The following KCNAB2 variants were observed in gnomAD, a reference collection of about 807,000 sequenced individuals.
The protein encoded by KCNAB2 is potassium voltage-gated channel subfamily A regulatory beta subunit 2, also known as voltage-gated potassium channel subunit beta-2.
In KCNAB2, 29 loss-of-function variants were observed where a neutral mutation model predicts 63.6. The observed-to-expected ratio is 0.46, with a 90% CI of 0.34 to 0.62. The LOEUF is 0.62. KCNAB2 is among the 20% of genes least tolerant of loss of function. The pLI is 0.01. For synonymous variants in KCNAB2, 222 were observed against 224.2 expected, an observed-to-expected ratio of 0.99 and a Z score of 0.09; for missense variants, 359 against 563.9, an observed-to-expected ratio of 0.64 and a Z score of 3.68.
chr1:6,075,272 ACAAG>A lies in KCNAB2; in HGVS notation c.300+1505_300+1508del, dbSNP rs1557486383. 2.6e-5 allele frequency among the ~76,000 whole-genome samples: 4 copies of A among 152,346 alleles called. No homozygotes were observed. In the South Asian group the frequency reaches 6.2e-4, roughly 24 times the overall value. On this transcript the variant is annotated intron_variant, in intron 4 of 15. Coordinates refer to ENST00000378083, the MANE Select transcript of KCNAB2 (RefSeq NM_001199862.2). ...GTATGTCCTTGTGGGAAAGATAAAA[ACAAG>A]CAGACAGACTAGACCCATCCAATGA...
At chr1:6,011,223 G>A (rs1222054619) in intron 1 of KCNAB2, among the ~76,000 whole-genome samples, 1 of 152,250 alleles carries the variant, frequency 6.6e-6, no homozygotes, top group Non-Finnish European at 1.5e-5. Context: ...GAAACAGGCA[G>A]GCAGCTGTGC....
At position 6,078,720 on chromosome 1, in the gene KCNAB2, C is replaced by T. The variant is rs1260224470; in HGVS notation, c.301-3475C>T. ...GATTTAAAAGGTCTGCCAAGGCTCG[C>T]CCTGGCTGCTGCACTGGGAATGGCG... is the stretch of plus-strand genomic sequence containing the variant. On this transcript the variant is annotated intron_variant, in intron 4 of 15. Coordinates refer to ENST00000378083, the MANE Select transcript of KCNAB2 (RefSeq NM_001199862.2). This position sits in a 1 kb window ranked among gnomAD's most constrained non-coding sequence, Gnocchi z 4.2. Among the ~76,000 whole-genome samples the T allele has an allele frequency of 2.6e-5, 4 of 152,170 alleles. No individual in the cohort carries two copies. The highest frequency in any genetic ancestry group is 6.5e-5 in the Admixed American group (1 of 15,282).
intron 1 of KCNAB2, among the ~76,000 whole-genome samples, chr1:6,015,004 G>A (rs1239577799): frequency 1.1e-4 from 16 of 150,328 alleles, no homozygotes; most frequent in Non-Finnish European, 2.1e-4. Context: ...TATTACAGAC[G>A]GGGTCACCTT....
At chr1:6,009,585 C>T (rs1405507626) in intron 1 of KCNAB2, among the ~76,000 whole-genome samples, 1 of 152,242 alleles carries the variant, frequency 6.6e-6, no homozygotes, top group African/African-American at 2.4e-5. Context: ...AACTCTGACA[C>T]ACTTCACAAA....
intron 2 of KCNAB2, among the ~76,000 whole-genome samples, chr1:6,056,236 G>A (rs1398667725): frequency 6.6e-6 from 1 of 152,044 alleles, no homozygotes; most frequent in East Asian, 1.9e-4. Flanking sequence ...GTAGAAACGG[G>A]GTTTCACCAC....
rs900807078 is a variant in KCNAB2 at position 6,051,657 on chromosome 1, C to T, written c.121C>T (p.Arg41Trp). 8.1e-5 allele frequency: 125 copies of T among 1,534,080 alleles called. No homozygotes were observed. The highest frequency in any genetic ancestry group is 4.2e-4 in the Middle Eastern group (2 of 4,740). The change falls in exon 2 of 16, where the codon CGG becomes TGG. Residue 41 changes from arginine (R) to tryptophan (W), a missense_variant. Coordinates refer to ENST00000378083, the MANE Select transcript of KCNAB2 (RefSeq NM_001199862.2). Reference sequence around the variant, plus strand: ...GGAACTGCAGCGGCTGCGGGAGGTGCGGGCGGCTGCCCAGGCCAGGAACAT... The same window carrying T: ...GGAACTGCAGCGGCTGCGGGAGGTGTGGGCGGCTGCCCAGGCCAGGAACAT... ...TLELQRLREV[R>W]AAAQARNMES...
upstream of KCNAB2, among the ~76,000 whole-genome samples, chr1:6,030,740 G>A (rs185046886): frequency 1.7e-4 from 26 of 151,610 alleles, no homozygotes; most frequent in African/African-American, 6.1e-4. Flanking sequence ...GTGTGTTTAT[G>A]TGTGTATATG....
rs916291321 is a variant in KCNAB2 at position 6,085,748 on chromosome 1, C to A, written c.425+500C>A. ...CTGCACCTTGTCCACAGGATCTTCG[C>A]GGCGTCTCAGCCTCTCCGGAGCTCA... On this transcript the variant is annotated intron_variant, in intron 6 of 15. Transcript: ENST00000378083. 11 of 786,530 alleles carry A rather than the reference C, an allele frequency of 1.4e-5. No individual in the cohort carries two copies. In the African/African-American group the frequency reaches 1.5e-4, roughly 11 times the overall value. 48.7% of individuals were successfully genotyped at this position (786,530 alleles called of 1,614,324 possible). A position where few individuals can be genotyped will look rare whatever the true frequency, so the allele number is the denominator to read the frequency against.
In KCNAB2 at chr1:6,035,039, G is replaced by A. The variant is rs75367786; in HGVS notation, c.-53+245G>A. Among the ~76,000 whole-genome samples the A allele has an allele frequency of 3.9e-3, 599 of 152,298 alleles. 2 individuals carry two copies. Among genetic ancestry groups the A allele is most frequent in the African/African-American group, 0.014 (574 of 41,548 alleles). On this transcript the variant is annotated intron_variant, in intron 1 of 15. Transcript: ENST00000164247. The surrounding 1 kb of genome is among the most constrained non-coding windows in gnomAD (Gnocchi z 5.0). ...GGGAGACGGGGACTGCGATGAAAGG[G>A]AGGCGTCCAGGGAAGACCTCCATGA...
chr1:6,018,268 C>T (rs7544730), intron 1 of KCNAB2, among the ~76,000 whole-genome samples: 73 of 152,230 alleles, frequency 4.8e-4, no homozygotes, highest in African/African-American at 1.7e-3. Context: ...ACCAGATAGT[C>T]GATGTTTTCA....
In KCNAB2 at chr1:6,024,702, C is replaced by G. The variant is rs1447461899; in HGVS notation, c.-52-15815C>G. On this transcript the variant is annotated intron_variant, in intron 1 of 16. Coordinates refer to the KCNAB2 transcript ENST00000341524. The surrounding 1 kb of genome is among the most constrained non-coding windows in gnomAD (Gnocchi z 5.4). ...ACCCACAGAGTCAGGGCAACATCTCCGTGCTGGGGGCCAAGAGGATAACGG... is the reference window on the plus strand; with the variant it reads ...ACCCACAGAGTCAGGGCAACATCTCGGTGCTGGGGGCCAAGAGGATAACGG... Among the ~76,000 whole-genome samples the G allele has an allele frequency of 6.6e-6, 1 of 152,158 alleles. No individual in the cohort carries two copies. Among genetic ancestry groups the G allele is most frequent in the Non-Finnish European group, 1.5e-5 (1 of 68,032 alleles).
At chr1:6,027,836 T>C (rs2100366693) in intron 1 of KCNAB2, among the ~76,000 whole-genome samples, 1 of 152,348 alleles carries the variant, frequency 6.6e-6, no homozygotes, top group African/African-American at 2.4e-5. Flanking sequence ...ACTGGTCCCC[T>C]CGGCTCAGGC....
intron 1 of KCNAB2, among the ~76,000 whole-genome samples, chr1:6,005,061 A>G (rs535631075): frequency 0.13 from 242 of 1,836 alleles, 27 homozygotes; most frequent in East Asian, 0.4. Flanking sequence ...GGGTGAGGGT[A>G]GAGTGGGGGA....
intron 15 of KCNAB2, chr1:6,097,710 A>T (rs1665766796): frequency 5.8e-6 from 3 of 516,000 alleles, no homozygotes; most frequent in Non-Finnish European, 1.0e-5. Flanking sequence ...CAGTCTTGAG[A>T]GATGCGGAGT....
chr1:6,052,286 A>G (rs904495089), intron 2 of KCNAB2, among the ~76,000 whole-genome samples: 2 of 152,144 alleles, frequency 1.3e-5, no homozygotes, highest in Non-Finnish European at 1.5e-5. Context: ...TTAGGTAGGC[A>G]TGGTGCCATG....
intron 2 of KCNAB2, among the ~76,000 whole-genome samples, chr1:6,063,764 C>T (rs1047292770): frequency 3.9e-5 from 6 of 152,172 alleles, no homozygotes; most frequent in Admixed American, 2.6e-4. Flanking sequence ...GGGCTACATC[C>T]TGTTTCTCCA....
intron 4 of KCNAB2, among the ~76,000 whole-genome samples, chr1:6,075,214 C>T (rs1248911338): frequency 1.3e-5 from 2 of 152,222 alleles, no homozygotes; most frequent in Admixed American, 1.3e-4. Flanking sequence ...AACGGCATAA[C>T]TTCATTTCCA....
chr1:6,095,186 G>A (rs1665512573), intron 11 of KCNAB2, 137 bp from the exon 12 acceptor site: 6 of 879,204 alleles, frequency 6.8e-6, no homozygotes, highest in Non-Finnish European at 1.1e-5. Flanking sequence ...CTATGAGTGT[G>A]AGCAGTGGGG....
At chr1:6,046,520 A>G (rs961131030) in intron 1 of KCNAB2, among the ~76,000 whole-genome samples, 1 of 152,160 alleles carries the variant, frequency 6.6e-6, no homozygotes, top group Non-Finnish European at 1.5e-5. Context: ...TGTGTTCACC[A>G]TTGATTAAGA....
Sources: gnomAD v4.1 joint callset for allele counts (sites outside exome capture counted in the v4.1 genomes callset) on GRCh38, gnomAD v4.1.1 for gene constraint, Gnocchi (gnomAD v3.1) non-coding constraint, MANE v1.5 for transcripts, NCBI Gene and HGNC (gene_info 2026-07-23, HGNC 2026-07-21) for gene names.